Variants in RAB15 observed in about 807,000 individuals in gnomAD.
RAB15 encodes RAB15, member RAS oncogene family.
A neutral mutation model predicts 31.8 loss-of-function variants in RAB15; 13 were observed. That is an observed-to-expected ratio of 0.41 (90% CI 0.27 to 0.65). The LOEUF (loss-of-function observed/expected upper bound fraction) is 0.65. RAB15 is among the 30% of genes least tolerant of loss of function. The pLI, the probability that RAB15 is intolerant of heterozygous loss-of-function variation, is 0.32. For synonymous variants in RAB15, 100 were observed against 105.6 expected (o/e 0.95, Z 0.33); for missense variants, 220 against 277.3 (o/e 0.79, Z 1.47).
In RAB15 at chr14:64,958,947, CAT is replaced by C. The variant is rs1439173207; in HGVS notation, c.125-6378_125-6377del. Among the ~76,000 whole-genome samples the C allele has an allele frequency of 6.6e-6, 1 of 152,208 alleles. No homozygotes were observed. The highest frequency in any genetic ancestry group is 1.9e-4 in the East Asian group (1 of 5,194). On this transcript the variant is annotated intron_variant, in intron 1 of 6. Transcript: ENST00000533601. This position sits in a 1 kb window ranked among gnomAD's most constrained non-coding sequence, Gnocchi z 4.4. The stretch of plus-strand genomic sequence containing the variant: ...CTCAGAGAAGCAGGGCTGGGTGCAA[CAT>C]GTTCTTTGTGGAGAAGCAGGTTCAG...
Position 64,971,734 on chromosome 14 carries a change from G to A in RAB15, c.124+219C>T, listed in dbSNP as rs1887429969. The A allele has an allele frequency of 3.5e-6, 2 of 564,212 alleles. No homozygotes were observed. The highest frequency in any genetic ancestry group is 3.9e-5 in the African/African-American group (2 of 51,456). The allele number at this position is 564,212 out of a possible 1,614,324, so 35.0% of individuals were successfully genotyped here. A position where few individuals can be genotyped will look rare whatever the true frequency, so the allele number is the denominator to read the frequency against. ...GATGGGACGGAAGGCTTCCCGGCAA[G>A]AGGCGGGAGACCCCACCCCTGGTCC... On this transcript the variant is annotated intron_variant, in intron 1 of 6. Coordinates refer to ENST00000533601, the MANE Select transcript of RAB15 (RefSeq NM_001308154.2). The surrounding 1 kb of genome is among the most constrained non-coding windows in gnomAD (Gnocchi z 4.1).
rs1260075756 is a variant in RAB15 at position 64,950,299 on chromosome 14, T to TG, written c.414+25dup. On this transcript the variant is annotated intron_variant, in intron 5 of 6. Transcript: ENST00000533601. This position sits in a 1 kb window ranked among gnomAD's most constrained non-coding sequence, Gnocchi z 5.6. ...TGGAGGCCCAGCAGAGGACCTGGGG[T>TG]GGACTTGCCTTTTCCCTCCACTTAC... 1.6e-5 allele frequency: 26 copies of TG among 1,594,420 alleles called. No homozygotes were observed. Among genetic ancestry groups the TG allele is most frequent in the Non-Finnish European group, 2.2e-5 (25 of 1,162,578 alleles).
intron 1 of RAB15, among the ~76,000 whole-genome samples, chr14:64,969,794 G>A (rs1480997692): frequency 2.6e-5 from 4 of 152,328 alleles, no homozygotes; most frequent in African/African-American, 4.8e-5. Flanking sequence ...GGAAGTCCCT[G>A]TGACCTATTT....
At position 64,951,651 on chromosome 14, in the gene RAB15, C is replaced by G. The variant is rs745337121; in HGVS notation, c.198G>C (p.Gly66=). Residue 66 remains glycine, a synonymous_variant, in exon 3 of 7, where the codon GGG becomes GGC. Transcript: ENST00000533601. This position sits in a 1 kb window ranked among gnomAD's most constrained non-coding sequence, Gnocchi z 7.2. ...KVRIQIWDTA[G]QERYQTITKQ... ...TTGTGATGGTCTGGTATCTCTCCTG[C>G]CCTGCAGTGTCCCTGCAGGAGAAAG... is the stretch of plus-strand genomic sequence containing the variant. 2 of 1,614,110 alleles carry G rather than the reference C, an allele frequency of 1.2e-6. No individual in the cohort carries two copies. The highest frequency in any genetic ancestry group is 1.1e-5 in the South Asian group (1 of 91,086).
At position 64,955,367 on chromosome 14, in the gene RAB15, A is replaced by G. The variant is rs1431960584; in HGVS notation, c.125-2796T>C. Among the ~76,000 whole-genome samples the G allele has an allele frequency of 1.3e-5, 2 of 152,264 alleles. No homozygotes were observed. Among genetic ancestry groups the G allele is most frequent in the Non-Finnish European group, 2.9e-5 (2 of 68,016 alleles). On this transcript the variant is annotated intron_variant, in intron 1 of 6. Coordinates refer to ENST00000533601, the MANE Select transcript of RAB15 (RefSeq NM_001308154.2). This position sits in a 1 kb window ranked among gnomAD's most constrained non-coding sequence, Gnocchi z 4.4. Reference sequence around the variant, plus strand: ...TTCAGCTGTGTCCACCTACCAGTCAAGCCCTGGCCCCAGTAACCCGTGCCC... The same window carrying G: ...TTCAGCTGTGTCCACCTACCAGTCAGGCCCTGGCCCCAGTAACCCGTGCCC...
Position 64,954,138 on chromosome 14 carries a change from A to T in RAB15, c.125-1567T>A. 3 of 985,354 alleles carry T rather than the reference A, an allele frequency of 3.0e-6. No homozygotes were observed. Among genetic ancestry groups the T allele is most frequent in the Non-Finnish European group, 3.6e-6 (3 of 829,908 alleles). 61.0% of individuals were successfully genotyped at this position (985,354 alleles called of 1,614,324 possible). Reference sequence around the variant, plus strand: ...AAATCGATTTGGTCAGACGTGAATCATTTCTCGCCTGCCCAAGCTGATTCA... The same window carrying T: ...AAATCGATTTGGTCAGACGTGAATCTTTTCTCGCCTGCCCAAGCTGATTCA... On this transcript the variant is annotated intron_variant, in intron 1 of 6. Coordinates refer to ENST00000533601, the MANE Select transcript of RAB15 (RefSeq NM_001308154.2). This position sits in a 1 kb window ranked among gnomAD's most constrained non-coding sequence, Gnocchi z 4.3.
In RAB15 at chr14:64,972,014, C is replaced by T. The variant is rs1315968824; in HGVS notation, c.63G>A (p.Lys21=). 1 of 1,609,254 alleles carries T rather than the reference C, an allele frequency of 6.2e-7. No individual in the cohort carries two copies. Among genetic ancestry groups the T allele is most frequent in the South Asian group, 1.1e-5 (1 of 90,178 alleles). ...CGGTGAAGCGGCACAGCAGGCAGGT[C>T]TTGCCCACCCCGGAGTCCCCGATCA... ...LLLIGDSGVG[K]TCLLCRFTDN... is the part of the protein sequence containing the mutation. Residue 21 remains lysine (K), a synonymous_variant, in exon 1 of 7, where the codon AAG becomes AAA. Transcript: ENST00000533601. The surrounding 1 kb of genome is among the most constrained non-coding windows in gnomAD (Gnocchi z 6.3).
intron 1 of RAB15, among the ~76,000 whole-genome samples, chr14:64,967,868 T>A (rs1315728980): frequency 6.6e-6 from 1 of 151,928 alleles, no homozygotes; most frequent in African/African-American, 2.4e-5. Flanking sequence ...TTGGTACCAC[T>A]GGGGGTGAGG....
rs370464925 is a variant in RAB15 at position 64,971,488 on chromosome 14, T to TC, written c.124+464dup. On this transcript the variant is annotated intron_variant, in intron 1 of 6. Transcript: ENST00000533601. The surrounding 1 kb of genome is among the most constrained non-coding windows in gnomAD (Gnocchi z 4.1). ...TGTGGCCCCTCCGTACGTCCTCTCT[T>TC]CCCCCCCTCGCCCCCCGCCGGCTCC... Among the ~76,000 whole-genome samples, 8 of 150,012 alleles carry TC rather than the reference T, an allele frequency of 5.3e-5. No individual in the cohort carries two copies. The highest frequency in any genetic ancestry group is 2.0e-4 in the East Asian group (1 of 5,072).
chr14:64,949,722 CAAAA>C lies in RAB15; in HGVS notation c.414+599_414+602del, dbSNP rs200189142. Among the ~76,000 whole-genome samples the C allele has an allele frequency of 2.5e-3, 211 of 85,380 alleles. 1 individual carries two copies. The highest frequency in any genetic ancestry group is 8.9e-3 in the African/African-American group (194 of 21,682). 56.0% of individuals were successfully genotyped at this position (85,380 alleles called of 152,430 possible). ...TGGGTGACAGAGCGAGACTCCATCTCAAAAAAAAAAAAAAAAAGAAAGAAAGAAA... is the reference window on the plus strand; with the variant it reads ...TGGGTGACAGAGCGAGACTCCATCTCAAAAAAAAAAAAAGAAAGAAAGAAA... On this transcript the variant is annotated intron_variant, in intron 5 of 6. Coordinates refer to ENST00000533601, the MANE Select transcript of RAB15 (RefSeq NM_001308154.2).
rs1410179591 is a variant in RAB15, at chr14:64,947,221, G to A, written c.*1133C>T. The A allele has an allele frequency of 2.0e-5, 3 of 152,404 alleles. No individual in the cohort carries two copies. The allele number at this position is 152,404 out of a possible 1,614,324, so 9.4% of individuals were successfully genotyped here. ...TCTTCTTACCTAAGAAATGGAAGAT[G>A]GGGCCTAGGAGGCCCTGCTGTTGCT... On this transcript the variant is annotated 3_prime_UTR_variant, in exon 7 of 7. Transcript: ENST00000533601. This position sits in a 1 kb window ranked among gnomAD's most constrained non-coding sequence, Gnocchi z 5.6.
In RAB15 at chr14:64,954,332, C is replaced by T. The variant is rs1010347252; in HGVS notation, c.125-1761G>A. The T allele has an allele frequency of 6.1e-6, 6 of 985,368 alleles. No homozygotes were observed. Among genetic ancestry groups the T allele is most frequent in the Non-Finnish European group, 7.2e-6 (6 of 829,896 alleles). 61.0% of individuals were successfully genotyped at this position (985,368 alleles called of 1,614,324 possible). On this transcript the variant is annotated intron_variant, in intron 1 of 6. Coordinates refer to ENST00000533601, the MANE Select transcript of RAB15 (RefSeq NM_001308154.2). This position sits in a 1 kb window ranked among gnomAD's most constrained non-coding sequence, Gnocchi z 4.3. ...TGCCTGGATCAACGGTTATCAGGCA[C>T]CTGTTTCTCCCCAGTACCTGGCATA...
rs931571014 is a variant in RAB15 at position 64,953,984 on chromosome 14, C to A, written c.125-1413G>T. On this transcript the variant is annotated intron_variant, in intron 1 of 6. Coordinates refer to ENST00000533601, the MANE Select transcript of RAB15 (RefSeq NM_001308154.2). This position sits in a 1 kb window ranked among gnomAD's most constrained non-coding sequence, Gnocchi z 4.6. Reference sequence around the variant, plus strand: ...TATTTGCCAAATGGGAGACATCTTCCCTTATCTGTGCTGTCCCCAGCTTTC... The same window carrying A: ...TATTTGCCAAATGGGAGACATCTTCACTTATCTGTGCTGTCCCCAGCTTTC... 1.3e-5 allele frequency: 13 copies of A among 985,294 alleles called. No homozygotes were observed. In the African/African-American group the frequency reaches 2.1e-4, roughly 16 times the overall value. 61.0% of individuals were successfully genotyped at this position (985,294 alleles called of 1,614,324 possible). A position where few individuals can be genotyped will look rare whatever the true frequency, so the allele number is the denominator to read the frequency against.
chr14:64,949,824 G>A (rs1042222891), intron 5 of RAB15, among the ~76,000 whole-genome samples: 2 of 151,690 alleles, frequency 1.3e-5, no homozygotes, highest in African/African-American at 2.4e-5. Flanking sequence ...TTCCCTCAGC[G>A]TCATCCTCCT....
intron 1 of RAB15, among the ~76,000 whole-genome samples, chr14:64,963,149 C>T (rs978510321): frequency 2.8e-4 from 37 of 132,826 alleles, no homozygotes; most frequent in African/African-American, 9.6e-4. Context: ...GACAGGGTCT[C>T]ACTCTGTCAC....
rs1232190244 is a variant in RAB15 at position 64,951,864 on chromosome 14, C to T, written c.186-201G>A. 6.6e-6 allele frequency among the ~76,000 whole-genome samples: 1 copy of T among 152,234 alleles called. No individual in the cohort carries two copies. Among genetic ancestry groups the T allele is most frequent in the African/African-American group, 2.4e-5 (1 of 41,470 alleles). On this transcript the variant is annotated intron_variant, in intron 2 of 6. Transcript: ENST00000533601. The surrounding 1 kb of genome is among the most constrained non-coding windows in gnomAD (Gnocchi z 7.2). ...GACCAGGCCTGCAGGGCCTTGGCCCCTCCTGCCAACTGCCCTCCTGGCAGA... is the reference window on the plus strand; with the variant it reads ...GACCAGGCCTGCAGGGCCTTGGCCCTTCCTGCCAACTGCCCTCCTGGCAGA...
Position 64,972,197 on chromosome 14 carries a change from C to G in RAB15, c.-121G>C. The G allele has an allele frequency of 1.4e-6, 1 of 731,310 alleles. No individual in the cohort carries two copies. Among genetic ancestry groups the G allele is most frequent in the East Asian group, 1.1e-4 (1 of 8,884 alleles). 45.3% of individuals were successfully genotyped at this position (731,310 alleles called of 1,614,324 possible). A position where few individuals can be genotyped will look rare whatever the true frequency, so the allele number is the denominator to read the frequency against. Reference sequence around the variant, plus strand: ...CGGGCGGCGAGGAGGACGCCGGGCCCGGCCCCCGCGGCTGCCTCGCCCGCC... The same window carrying G: ...CGGGCGGCGAGGAGGACGCCGGGCCGGGCCCCCGCGGCTGCCTCGCCCGCC... On this transcript the variant is annotated 5_prime_UTR_variant, in exon 1 of 7. Coordinates refer to ENST00000533601, the MANE Select transcript of RAB15 (RefSeq NM_001308154.2). This position sits in a 1 kb window ranked among gnomAD's most constrained non-coding sequence, Gnocchi z 6.3.
rs1490383523 is a variant in RAB15 at position 64,950,741 on chromosome 14, A to G, written c.325-327T>C. 1.7e-6 allele frequency: 1 copy of G among 598,272 alleles called. No individual in the cohort carries two copies. The highest frequency in any genetic ancestry group is 1.9e-5 in the African/African-American group (1 of 53,908). 37.1% of individuals were successfully genotyped at this position (598,272 alleles called of 1,614,324 possible). A position where few individuals can be genotyped will look rare whatever the true frequency, so the allele number is the denominator to read the frequency against. Reference sequence around the variant, plus strand: ...ACCCAGAGGATTCAAATGGCTTCCCAAGGCTCCACAGCTATTGTGCAGAGC... The same window carrying G: ...ACCCAGAGGATTCAAATGGCTTCCCGAGGCTCCACAGCTATTGTGCAGAGC... On this transcript the variant is annotated intron_variant, in intron 4 of 6. Transcript: ENST00000533601. The surrounding 1 kb of genome is among the most constrained non-coding windows in gnomAD (Gnocchi z 5.6).
At position 64,971,797 on chromosome 14, in the gene RAB15, C is replaced by T. The variant is rs1887432984; in HGVS notation, c.124+156G>A. On this transcript the variant is annotated intron_variant, in intron 1 of 6. Coordinates refer to ENST00000533601, the MANE Select transcript of RAB15 (RefSeq NM_001308154.2). The surrounding 1 kb of genome is among the most constrained non-coding windows in gnomAD (Gnocchi z 4.1). ...GCAGGGACACCCTCACCTGCCAAAA[C>T]CTATGCTCACCCCGAGATTTATCCC... 1.4e-6 allele frequency: 1 copy of T among 719,460 alleles called. No homozygotes were observed. The highest frequency in any genetic ancestry group is 2.3e-6 in the Non-Finnish European group (1 of 441,250). 44.6% of individuals were successfully genotyped at this position (719,460 alleles called of 1,614,324 possible).
Sources: gnomAD v4.1 joint callset for allele counts (sites outside exome capture counted in the v4.1 genomes callset) on GRCh38, gnomAD v4.1.1 for gene constraint, Gnocchi (gnomAD v3.1) non-coding constraint, MANE v1.5 for transcripts, NCBI Gene and HGNC (gene_info 2026-07-23, HGNC 2026-07-21) for gene names.